GDF11: variants seen among roughly 807,000 people sequenced by gnomAD.
The protein encoded by GDF11 is growth differentiation factor 11.
In GDF11, 12 loss-of-function variants were observed where a neutral mutation model predicts 34.4. The ratio of observed to expected loss-of-function variants is 0.35; its 90% CI spans 0.22 to 0.57. The LOEUF (loss-of-function observed/expected upper bound fraction) is 0.57. GDF11 is among the 20% of genes least tolerant of loss of function. The pLI, the probability that GDF11 is intolerant of heterozygous loss-of-function variation, is 0.86. For synonymous variants in GDF11, 212 were observed against 231.1 expected (o/e 0.92, Z 0.75); for missense variants, 346 against 548.2 (o/e 0.63, Z 3.68).
Position 55,743,694 on chromosome 12 carries a change from C to CGAG in GDF11, c.381_383dup (p.Glu127dup). 1 of 1,601,496 alleles carries CGAG rather than the reference C, an allele frequency of 6.2e-7. No individual in the cohort carries two copies. Among genetic ancestry groups the CGAG allele is most frequent in the Non-Finnish European group, 8.5e-7 (1 of 1,179,314 alleles). ...ACTTCCAGGGCGACGCGCTGCAGCC[C>CGAG]GAGGACTTCCTGGAGGAGGACGAGT... On this transcript the variant is annotated inframe_insertion, in exon 1 of 3. Coordinates refer to ENST00000257868, the MANE Select transcript of GDF11 (RefSeq NM_005811.5).
chr12:55,749,105 C>T lies in GDF11; in HGVS notation c.843+122C>T. ...GGGACCAGCATTACTTCTCTGGGGTCAGCAGCTGATTCTAGAGGAGGAGGT... is the reference window on the plus strand; with the variant it reads ...GGGACCAGCATTACTTCTCTGGGGTTAGCAGCTGATTCTAGAGGAGGAGGT... On this transcript the variant is annotated intron_variant, in intron 2 of 2. Coordinates refer to ENST00000257868, the MANE Select transcript of GDF11 (RefSeq NM_005811.5). The surrounding 1 kb of genome is among the most constrained non-coding windows in gnomAD (Gnocchi z 5.6). 9.9e-7 allele frequency: 1 copy of T among 1,012,234 alleles called. No individual in the cohort carries two copies. The highest frequency in any genetic ancestry group is 1.4e-6 in the Non-Finnish European group (1 of 711,768). 62.7% of individuals were successfully genotyped at this position (1,012,234 alleles called of 1,614,324 possible).
At chr12:55,743,858 C>G in intron 1 of GDF11, 97 bp downstream of exon 1, 1 of 1,015,240 alleles carries the variant, frequency 9.8e-7, no homozygotes, top group Non-Finnish European at 1.4e-6. Flanking sequence ...TGCCCCGGCC[C>G]GGAAGCTTTT....
At position 55,749,634 on chromosome 12, in the gene GDF11, G is replaced by A. The variant is rs753164401; in HGVS notation, c.976G>A (p.Gly326Ser). The A allele has an allele frequency of 4.3e-6, 7 of 1,613,988 alleles. No homozygotes were observed. Among genetic ancestry groups the A allele is most frequent in the Admixed American group, 3.3e-5 (2 of 59,996 alleles). The change falls in exon 3 of 3, where the codon GGC becomes AGC. Residue 326 changes from glycine (G) to serine (S), a missense_variant. Gly to Ser is a moderately conservative substitution (Grantham distance 56). Coordinates refer to ENST00000257868, the MANE Select transcript of GDF11 (RefSeq NM_005811.5). The surrounding 1 kb of genome is among the most constrained non-coding windows in gnomAD (Gnocchi z 5.6). ...CCTCACAGTGGACTTTGAGGCTTTC[G>A]GCTGGGACTGGATCATCGCACCTAA... is the stretch of plus-strand genomic sequence containing the variant. ...YPLTVDFEAF[G>S]WDWIIAPKRY...
intron 1 of GDF11, among the ~76,000 whole-genome samples, chr12:55,745,221 G>T (rs1878155214): frequency 1.3e-5 from 2 of 152,146 alleles, no homozygotes; most frequent in African/African-American, 4.8e-5. Flanking sequence ...GAAGGTTACA[G>T]AGGGAAAAGA....
intron 1 of GDF11, among the ~76,000 whole-genome samples, chr12:55,746,048 A>G (rs1025545352): frequency 1.4e-4 from 22 of 152,148 alleles, no homozygotes; most frequent in Non-Finnish European, 2.8e-4. Flanking sequence ...TGCTGAAAAT[A>G]GTGCAGTGAC....
chr12:55,751,127 G>A lies in GDF11; in HGVS notation c.*1245G>A, dbSNP rs1045400152. The A allele has an allele frequency of 1.3e-5, 2 of 152,244 alleles. No individual in the cohort carries two copies. Among genetic ancestry groups the A allele is most frequent in the African/African-American group, 4.8e-5 (2 of 41,434 alleles). The allele number at this position is 152,244 out of a possible 1,614,324, so 9.4% of individuals were successfully genotyped here. Reference sequence around the variant, plus strand: ...CAAGGTGGGAAGGATTCTGGAAGGGGGACATTTTAGTCTCCTAACCCCAAA... The same window carrying A: ...CAAGGTGGGAAGGATTCTGGAAGGGAGACATTTTAGTCTCCTAACCCCAAA... On this transcript the variant is annotated 3_prime_UTR_variant, in exon 3 of 3. Coordinates refer to ENST00000257868, the MANE Select transcript of GDF11 (RefSeq NM_005811.5).
intron 1 of GDF11, among the ~76,000 whole-genome samples, chr12:55,744,990 G>C (rs1317061094): frequency 3.9e-5 from 6 of 152,182 alleles, no homozygotes; most frequent in Non-Finnish European, 5.9e-5. Context: ...AATTCCACAA[G>C]ACTTGGTCAG....
At chr12:55,745,782 G>C (rs1269628503) in intron 1 of GDF11, among the ~76,000 whole-genome samples, 1 of 147,344 alleles carries the variant, frequency 6.8e-6, no homozygotes, top group African/African-American at 2.5e-5. Flanking sequence ...CCTCTCCTAG[G>C]CTGCTCTGCC....
At position 55,751,298 on chromosome 12, in the gene GDF11, G is replaced by A. The variant is rs1244144240; in HGVS notation, c.*1416G>A. Reference sequence around the variant, plus strand: ...GACAAGGCCAGTTAGAACAGAGGATGGGAAGGATGGAGACTCCCGGGCTTG... The same window carrying A: ...GACAAGGCCAGTTAGAACAGAGGATAGGAAGGATGGAGACTCCCGGGCTTG... On this transcript the variant is annotated 3_prime_UTR_variant, in exon 3 of 3. Coordinates refer to ENST00000257868, the MANE Select transcript of GDF11 (RefSeq NM_005811.5). 2.6e-5 allele frequency: 4 copies of A among 152,294 alleles called. No homozygotes were observed. Among genetic ancestry groups the A allele is most frequent in the African/African-American group, 9.7e-5 (4 of 41,444 alleles). 9.4% of individuals were successfully genotyped at this position (152,294 alleles called of 1,614,324 possible).
intron 1 of GDF11, among the ~76,000 whole-genome samples, chr12:55,744,184 GC>G (rs1878130292): frequency 6.6e-6 from 1 of 152,282 alleles, no homozygotes; most frequent in East Asian, 1.9e-4. Context: ...AGTGGCCCTG[GC>G]GGTAACTCCC....
rs1275737024 is a variant in GDF11 at position 55,755,994 on chromosome 12, A to G, written c.*6112A>G. 6.6e-6 allele frequency: 1 copy of G among 152,214 alleles called. No individual in the cohort carries two copies. The highest frequency in any genetic ancestry group is 2.4e-5 in the African/African-American group (1 of 41,454). 9.4% of individuals were successfully genotyped at this position (152,214 alleles called of 1,614,324 possible). A position where few individuals can be genotyped will look rare whatever the true frequency, so the allele number is the denominator to read the frequency against. On this transcript the variant is annotated 3_prime_UTR_variant, in exon 3 of 3. Coordinates refer to ENST00000257868, the MANE Select transcript of GDF11 (RefSeq NM_005811.5). ...CCACTTCATAATCAGCATCTGCTCT[A>G]TTCCCTCATGTATTTTTCTCTTTTT...
Position 55,743,226 on chromosome 12 carries a change from C to T in GDF11, c.-91C>T. On this transcript the variant is annotated 5_prime_UTR_variant, in exon 1 of 3. Coordinates refer to ENST00000257868, the MANE Select transcript of GDF11 (RefSeq NM_005811.5). ...AGCCCCCAATCCCGCGCCGCCCGGACCCCCTCCTCCTCCCTCCCTCCTCCC... is the reference window on the plus strand; with the variant it reads ...AGCCCCCAATCCCGCGCCGCCCGGATCCCCTCCTCCTCCCTCCCTCCTCCC... The T allele has an allele frequency of 5.8e-6, 2 of 347,044 alleles. No individual in the cohort carries two copies. Among genetic ancestry groups the T allele is most frequent in the Non-Finnish European group, 8.0e-6 (2 of 250,594 alleles). 21.5% of individuals were successfully genotyped at this position (347,044 alleles called of 1,614,324 possible).
rs1228535250 is a variant in GDF11 at position 55,752,459 on chromosome 12, C to CA, written c.*2580dup. 6.6e-6 allele frequency: 1 copy of CA among 152,058 alleles called. No homozygotes were observed. The highest frequency in any genetic ancestry group is 1.5e-5 in the Non-Finnish European group (1 of 68,032). The allele number at this position is 152,058 out of a possible 1,614,324, so 9.4% of individuals were successfully genotyped here. ...TCATTCCCCTGTTCCTCCCTACCCC[C>CA]AAAGAGGCACAGAGTGAAGGGACTT... On this transcript the variant is annotated 3_prime_UTR_variant, in exon 3 of 3. Coordinates refer to ENST00000257868, the MANE Select transcript of GDF11 (RefSeq NM_005811.5).
At position 55,743,568 on chromosome 12, in the gene GDF11, G is replaced by C; in HGVS notation, c.252G>C (p.Leu84Phe). The C allele has an allele frequency of 6.2e-7, 1 of 1,604,692 alleles. No homozygotes were observed. The highest frequency in any genetic ancestry group is 1.1e-5 in the South Asian group (1 of 91,044). Reference protein sequence around the residue: ...LRLESIKSQILSKLRLKEAPN... With the variant: ...LRLESIKSQIFSKLRLKEAPN... ...TAGAGAGCATCAAGTCGCAGATCTT[G>C]AGCAAACTGCGGCTCAAGGAGGCGC... Residue 84 changes from leucine (L) to phenylalanine (F), a missense_variant, in exon 1 of 3, where the codon TTG becomes TTC. By Grantham distance (22) the Leu-to-Phe change is conservative. Coordinates refer to ENST00000257868, the MANE Select transcript of GDF11 (RefSeq NM_005811.5).
Position 55,743,637 on chromosome 12 carries a change from G to A in GDF11, c.321G>A (p.Ala107=), listed in dbSNP as rs771004011. ...TGGTGAAGCAGCTGCTGCCCAAGGC[G>A]CCGCCGCTGCAGCAGATCCTGGACC... is the stretch of plus-strand genomic sequence containing the variant. ...REVVKQLLPK[A]PPLQQILDLH... The change falls in exon 1 of 3, where the codon GCG becomes GCA. Residue 107 remains alanine, a synonymous_variant. Coordinates refer to ENST00000257868, the MANE Select transcript of GDF11 (RefSeq NM_005811.5). 8 of 1,604,482 alleles carry A rather than the reference G, an allele frequency of 5.0e-6. No homozygotes were observed. In the African/African-American group the frequency reaches 8.0e-5, roughly 16 times the overall value.
At position 55,752,973 on chromosome 12, in the gene GDF11, T is replaced by C. The variant is rs890133759; in HGVS notation, c.*3091T>C. 6.6e-6 allele frequency: 1 copy of C among 152,228 alleles called. No homozygotes were observed. The allele number at this position is 152,228 out of a possible 1,614,324, so 9.4% of individuals were successfully genotyped here. A position where few individuals can be genotyped will look rare whatever the true frequency, so the allele number is the denominator to read the frequency against. ...CTGAGACAGGAAACCTCGTGTTCAA[T>C]GACTAAGAAGATGGGGTCCTGGAGC... On this transcript the variant is annotated 3_prime_UTR_variant, in exon 3 of 3. Transcript: ENST00000257868.
At chr12:55,746,629 G>A (rs1249345446) in intron 1 of GDF11, among the ~76,000 whole-genome samples, 1 of 152,208 alleles carries the variant, frequency 6.6e-6, no homozygotes, top group Admixed American at 6.5e-5. Context: ...TCAAACCCTG[G>A]ATCAGCTTAG....
At position 55,743,520 on chromosome 12, in the gene GDF11, G is replaced by C. The variant is rs1163573506; in HGVS notation, c.204G>C (p.Arg68=). ...EPDGCPVCVW[R]QHSRELRLES... is the part of the protein sequence containing the mutation. Reference sequence around the variant, plus strand: ...ACGGCTGCCCCGTGTGCGTTTGGCGGCAGCACAGCCGCGAGCTGCGCCTAG... The same window carrying C: ...ACGGCTGCCCCGTGTGCGTTTGGCGCCAGCACAGCCGCGAGCTGCGCCTAG... The change falls in exon 1 of 3, where the codon CGG becomes CGC. Residue 68 remains arginine (R), a synonymous_variant. Transcript: ENST00000257868. The C allele has an allele frequency of 6.3e-7, 1 of 1,595,498 alleles. No homozygotes were observed. The highest frequency in any genetic ancestry group is 2.2e-5 in the East Asian group (1 of 44,484).
chr12:55,753,422 G>T lies in GDF11; in HGVS notation c.*3540G>T, dbSNP rs1363931788. ...CATGTACCTAGAGCACAATTCCCCA[G>T]GAATATGAGTTGGGAATGGCAAAAG... is the stretch of plus-strand genomic sequence containing the variant. On this transcript the variant is annotated 3_prime_UTR_variant, in exon 3 of 3. Coordinates refer to ENST00000257868, the MANE Select transcript of GDF11 (RefSeq NM_005811.5). 1 of 152,132 alleles carries T rather than the reference G, an allele frequency of 6.6e-6. No individual in the cohort carries two copies. The highest frequency in any genetic ancestry group is 1.5e-5 in the Non-Finnish European group (1 of 68,018). 9.4% of individuals were successfully genotyped at this position (152,132 alleles called of 1,614,324 possible).
Sources: gnomAD v4.1 joint callset for allele counts (sites outside exome capture counted in the v4.1 genomes callset) on GRCh38, gnomAD v4.1.1 for gene constraint, Gnocchi (gnomAD v3.1) non-coding constraint, MANE v1.5 for transcripts, NCBI Gene and HGNC (gene_info 2026-07-23, HGNC 2026-07-21) for gene names.